The following ACTR3 variants were observed in gnomAD, a reference collection of about 807,000 sequenced individuals.
ACTR3 encodes actin-related protein 3.
A neutral mutation model predicts 56.8 loss-of-function variants in ACTR3; 12 were observed. That is an observed-to-expected ratio of 0.21 (90% CI 0.14 to 0.34). ACTR3 has a LOEUF of 0.34. ACTR3 is among the 10% of genes least tolerant of loss of function. ACTR3 has a pLI of 1.00. For synonymous variants in ACTR3, 162 were observed against 167.4 expected, an observed-to-expected ratio of 0.97 and a Z score of 0.25; for missense variants, 282 against 512.5, an observed-to-expected ratio of 0.55 and a Z score of 4.34.
intron 6 of ACTR3, among the ~76,000 whole-genome samples, chr2:113,935,316 T>C (rs1272096125): frequency 3.9e-5 from 6 of 152,218 alleles, no homozygotes; most frequent in Non-Finnish European, 8.8e-5. Flanking sequence ...AACATTTTCA[T>C]CACCCTACAA....
At chr2:113,950,023 T>C (rs182105145) in intron 8 of ACTR3, among the ~76,000 whole-genome samples, 1 of 152,332 alleles carries the variant, frequency 6.6e-6, no homozygotes, top group East Asian at 1.9e-4. Flanking sequence ...CAAAAAGTTC[T>C]TGAGAGCGCT....
chr2:113,940,619 T>G (rs1679906354), intron 7 of ACTR3, among the ~76,000 whole-genome samples: 1 of 152,106 alleles, frequency 6.6e-6, no homozygotes, highest in African/African-American at 2.4e-5. Flanking sequence ...ATATCAGTGC[T>G]TCATGCAAAC....
chr2:113,958,482 T>C lies in ACTR3; in HGVS notation c.*1027T>C, dbSNP rs1482428461. The C allele has an allele frequency of 1.3e-5, 2 of 152,540 alleles. No homozygotes were observed. The highest frequency in any genetic ancestry group is 2.9e-5 in the Non-Finnish European group (2 of 67,970). The allele number at this position is 152,540 out of a possible 1,614,324, so 9.4% of individuals were successfully genotyped here. A position where few individuals can be genotyped will look rare whatever the true frequency, so the allele number is the denominator to read the frequency against. On this transcript the variant is annotated 3_prime_UTR_variant, in exon 12 of 12. Coordinates refer to ENST00000263238, the MANE Select transcript of ACTR3 (RefSeq NM_005721.5). ...ATAACTCATTTGCAGTCTGAAAATT[T>C]TTTTTAGTGCCAGTCCCTGAACATA...
intron 7 of ACTR3, among the ~76,000 whole-genome samples, chr2:113,940,656 C>T (rs923433544): frequency 6.6e-6 from 1 of 151,810 alleles, no homozygotes; most frequent in Admixed American, 6.6e-5. Flanking sequence ...CATCGTCTTT[C>T]AAACTTATTA....
At chr2:113,905,578 A>G (rs1026606762) in intron 1 of ACTR3, among the ~76,000 whole-genome samples, 7 of 152,118 alleles carry the variant, frequency 4.6e-5, no homozygotes, top group Admixed American at 4.6e-4. Context: ...TTGTCTAACC[A>G]TCACCATCCT....
At chr2:113,927,550 A>G in intron 4 of ACTR3, 95 bp downstream of exon 4, 1 of 769,640 alleles carries the variant, frequency 1.3e-6, no homozygotes. Flanking sequence ...TGGTTATTAA[A>G]TTGTCATATG....
chr2:113,917,149 A>G (rs759314742), intron 3 of ACTR3, 141 bp downstream of exon 3: 2 of 652,300 alleles, frequency 3.1e-6, no homozygotes, highest in Admixed American at 4.3e-5. Flanking sequence ...TCCCTATGGC[A>G]TCCTTCCCTG....
At chr2:113,937,419 CT>C (rs1679849158) in intron 6 of ACTR3, among the ~76,000 whole-genome samples, 1 of 152,058 alleles carries the variant, frequency 6.6e-6, no homozygotes, top group Non-Finnish European at 1.5e-5. Context: ...AAATTGAGTT[CT>C]TTTATTCACG....
intron 10 of ACTR3, 149 bp downstream of exon 10, chr2:113,951,994 C>A: frequency 1.0e-6 from 1 of 968,454 alleles, no homozygotes. Context: ...AGATTTATGT[C>A]TGTGATATTC....
chr2:113,913,134 A>G, intron 1 of ACTR3, 38 bp from the exon 2 acceptor site: 1 of 1,347,574 alleles, frequency 7.4e-7, no homozygotes. Context: ...AATTGCTAAA[A>G]TATTAGTGAA....
intron 1 of ACTR3, chr2:113,890,861 AC>A: frequency 1.1e-6 from 1 of 892,656 alleles, no homozygotes. Context: ...GAAAATGGGA[AC>A]CTACAGTGGG....
At chr2:113,931,903 T>C (rs1019418795) in intron 5 of ACTR3, among the ~76,000 whole-genome samples, 6 of 151,970 alleles carry the variant, frequency 3.9e-5, no homozygotes, top group Non-Finnish European at 5.9e-5. Context: ...TTTTTTTTTT[T>C]CCCTTGTAGC....
rs1574352372 is a variant in ACTR3, at chr2:113,903,716, A to G, written c.45-9456A>G. Among the ~76,000 whole-genome samples the G allele has an allele frequency of 2.0e-5, 3 of 148,830 alleles. No homozygotes were observed. The South Asian group carries it at 6.4e-4, about 32-fold the overall frequency. ...GCCGTGTGGGCCATGCTGGTCTTGA[A>G]CTCCTGGCCTCAAGTGATCTACCCA... On this transcript the variant is annotated intron_variant, in intron 1 of 11. Transcript: ENST00000263238.
At chr2:113,910,487 TCAAG>T (rs1423944467) in intron 1 of ACTR3, among the ~76,000 whole-genome samples, 8 of 152,162 alleles carry the variant, frequency 5.3e-5, no homozygotes, top group African/African-American at 1.9e-4. Context: ...AAACTCATCT[TCAAG>T]CAGGTGAGTC....
At position 113,907,760 on chromosome 2, in the gene ACTR3, A is replaced by C. The variant is rs1050495018; in HGVS notation, c.45-5412A>C. On this transcript the variant is annotated intron_variant, in intron 1 of 11. Transcript: ENST00000263238. The stretch of plus-strand genomic sequence containing the variant: ...GGCTGAGGCTGGCTGATCACCTGAG[A>C]TCAGGAGTTGGAGACCAGCCTGACC... Among the ~76,000 whole-genome samples the C allele has an allele frequency of 3.9e-5, 6 of 152,072 alleles. No individual in the cohort carries two copies. The South Asian group carries it at 1.2e-3, about 32-fold the overall frequency.
intron 1 of ACTR3, chr2:113,890,857 G>A: frequency 2.2e-6 from 2 of 927,800 alleles, no homozygotes; most frequent in South Asian, 9.6e-5. Flanking sequence ...CTCTGAAAAT[G>A]GGAACCTACA....
At chr2:113,910,545 G>A (rs565670758) in intron 1 of ACTR3, among the ~76,000 whole-genome samples, 1 of 152,128 alleles carries the variant, frequency 6.6e-6, no homozygotes, top group Non-Finnish European at 1.5e-5. Context: ...TCTGAAGAAG[G>A]GGGGCAGTCT....
chr2:113,921,177 C>T (rs1212559382), intron 3 of ACTR3, among the ~76,000 whole-genome samples: 5 of 151,866 alleles, frequency 3.3e-5, no homozygotes, highest in African/African-American at 1.2e-4. Context: ...TATGGTGAGA[C>T]GGTATTTCTT....
intron 7 of ACTR3, 37 bp from the exon 8 acceptor site, chr2:113,942,149 A>C (rs1679935235): frequency 3.9e-6 from 6 of 1,519,760 alleles, no homozygotes; most frequent in Non-Finnish European, 5.3e-6. Flanking sequence ...TTCCTATAAT[A>C]AGCAAAAAAA....
Sources: gnomAD v4.1 joint callset for allele counts (sites outside exome capture counted in the v4.1 genomes callset) on GRCh38, gnomAD v4.1.1 for gene constraint, MANE v1.5 for transcripts, NCBI Gene and HGNC (gene_info 2026-07-23, HGNC 2026-07-21) for gene names.